Variants in MITF observed in about 807,000 individuals in gnomAD.
The protein encoded by MITF is microphthalmia-associated transcription factor.
In MITF, 17 loss-of-function variants were observed where a neutral mutation model predicts 60.5. That is an observed-to-expected ratio of 0.28 (90% CI 0.19 to 0.42). The LOEUF (loss-of-function observed/expected upper bound fraction) is 0.42. Among genes scored for constraint, MITF ranks in the 10% least tolerant of loss-of-function variants. The pLI, the probability that MITF is intolerant of heterozygous loss-of-function variation, is 1.00. For missense variants in MITF, 622 were observed against 683.5 expected (o/e 0.91, Z 1.00); for synonymous variants, 260 against 248.5 (o/e 1.05, Z -0.43).
chr3:69,947,933 G>A (rs1193378224), intron 5 of MITF, among the ~76,000 whole-genome samples: 1 of 152,148 alleles, frequency 6.6e-6, no homozygotes, highest in Non-Finnish European at 1.5e-5. Flanking sequence ...GGTCATTGGA[G>A]AGGATGCAAG....
At chr3:69,939,072 G>A in intron 3 of MITF, 26 bp from the exon 4 acceptor site, 2 of 1,612,424 alleles carry the variant, frequency 1.2e-6, no homozygotes, top group Non-Finnish European at 8.5e-7. Flanking sequence ...CCAAGTTATA[G>A]ACTGTTTTTG....
intron 1 of MITF, among the ~76,000 whole-genome samples, chr3:69,768,163 C>G (rs1391342326): frequency 6.6e-6 from 1 of 152,204 alleles, no homozygotes; most frequent in East Asian, 1.9e-4. Context: ...GAGCAAAATT[C>G]TTAGGGTCCA....
intron 1 of MITF, among the ~76,000 whole-genome samples, chr3:69,844,033 G>A (rs1179054078): frequency 6.6e-6 from 1 of 152,102 alleles, no homozygotes; most frequent in Non-Finnish European, 1.5e-5. Flanking sequence ...TGAGAATTAT[G>A]GTTTCCAGCT....
chr3:69,961,381 C>CA (rs1272534281), intron 9 of MITF, among the ~76,000 whole-genome samples: 356 of 139,934 alleles, frequency 2.5e-3, no homozygotes, highest in African/African-American at 6.0e-3. Flanking sequence ...GACTCCATCT[C>CA]AAAAAAAAAC....
At chr3:69,852,341 A>G (rs2063838835) in intron 1 of MITF, among the ~76,000 whole-genome samples, 1 of 152,210 alleles carries the variant, frequency 6.6e-6, no homozygotes, top group African/African-American at 2.4e-5. Context: ...CCCCTCTTCT[A>G]AGTATAATCA....
intron 1 of MITF, among the ~76,000 whole-genome samples, chr3:69,815,925 C>G (rs150514472): frequency 6.6e-6 from 1 of 152,088 alleles, no homozygotes; most frequent in Non-Finnish European, 1.5e-5. Flanking sequence ...GATCTAAAGT[C>G]GTCTTATTGT....
At chr3:69,808,671 A>G (rs994807919) in intron 1 of MITF, among the ~76,000 whole-genome samples, 1 of 152,086 alleles carries the variant, frequency 6.6e-6, no homozygotes, top group Non-Finnish European at 1.5e-5. Flanking sequence ...ACTCATGGAC[A>G]TCAGAGCAGA....
chr3:69,930,559 A>G (rs1289413870), intron 2 of MITF, among the ~76,000 whole-genome samples: 1 of 152,202 alleles, frequency 6.6e-6, no homozygotes, highest in African/African-American at 2.4e-5. Context: ...GCCCTTACCT[A>G]AACACACTGT....
At chr3:69,845,246 G>A (rs546356316) in intron 1 of MITF, among the ~76,000 whole-genome samples, 1 of 151,790 alleles carries the variant, frequency 6.6e-6, no homozygotes, top group African/African-American at 2.4e-5. Flanking sequence ...AGAAGCAAGA[G>A]GTATTAAATA....
Position 69,967,349 on chromosome 3 carries a change from G to A in MITF, c.*2101G>A. ...TGCATGAACAGCTAATTGTACCATA[G>A]TGTTCATTGATACAATCATAGCATT... On this transcript the variant is annotated 3_prime_UTR_variant, in exon 10 of 10. Coordinates refer to ENST00000352241, the MANE Select transcript of MITF (RefSeq NM_001354604.2). The A allele has an allele frequency of 1.7e-5, 4 of 232,890 alleles. No individual in the cohort carries two copies. Among genetic ancestry groups the A allele is most frequent in the Non-Finnish European group, 2.6e-5 (3 of 117,556 alleles). The allele number at this position is 232,890 out of a possible 1,614,324, so 14.4% of individuals were successfully genotyped here. A position where few individuals can be genotyped will look rare whatever the true frequency, so the allele number is the denominator to read the frequency against.
chr3:69,900,489 C>T (rs955192733), intron 2 of MITF, among the ~76,000 whole-genome samples: 10 of 152,136 alleles, frequency 6.6e-5, no homozygotes, highest in African/African-American at 9.7e-5. Context: ...ACACCTCCCA[C>T]GTCTTTGTTC....
intron 1 of MITF, among the ~76,000 whole-genome samples, chr3:69,795,417 G>C (rs890407754): frequency 3.9e-5 from 6 of 152,136 alleles, no homozygotes; most frequent in Non-Finnish European, 5.9e-5. Flanking sequence ...ACAATGAACT[G>C]TCTTACATTA....
chr3:69,853,178 T>C (rs2063855054), intron 1 of MITF, among the ~76,000 whole-genome samples: 2 of 152,080 alleles, frequency 1.3e-5, no homozygotes, highest in Admixed American at 1.3e-4. Flanking sequence ...CAGAACAACC[T>C]AGTAGTCCAG....
Position 69,739,491 on chromosome 3 carries a change from C to T in MITF, c.-107C>T. ...GAGCCGGCGAGCGGGCAGAGCTCGGCACTGCGCCGGGGCGCACGGCTCGGG... is the reference window on the plus strand; with the variant it reads ...GAGCCGGCGAGCGGGCAGAGCTCGGTACTGCGCCGGGGCGCACGGCTCGGG... On this transcript the variant is annotated 5_prime_UTR_variant, in exon 1 of 10. Transcript: ENST00000352241. 9.6e-7 allele frequency: 1 copy of T among 1,042,024 alleles called. No homozygotes were observed. Among genetic ancestry groups the T allele is most frequent in the Non-Finnish European group, 1.4e-6 (1 of 690,598 alleles). The allele number at this position is 1,042,024 out of a possible 1,614,324, so 64.5% of individuals were successfully genotyped here. A position where few individuals can be genotyped will look rare whatever the true frequency, so the allele number is the denominator to read the frequency against.
At chr3:69,755,206 A>T (rs1302515844) in intron 1 of MITF, among the ~76,000 whole-genome samples, 1 of 152,204 alleles carries the variant, frequency 6.6e-6, no homozygotes. Flanking sequence ...AAATAATGAG[A>T]TACACTAATT....
chr3:69,953,647 G>GTGTA (rs2066317221), intron 7 of MITF, among the ~76,000 whole-genome samples: 2 of 140,716 alleles, frequency 1.4e-5, no homozygotes, highest in Non-Finnish European at 3.1e-5. Context: ...ATATATGTAT[G>GTGTA]TATATATATA....
intron 1 of MITF, among the ~76,000 whole-genome samples, chr3:69,815,174 G>A (rs9854710): frequency 0.34 from 51,363 of 152,066 alleles, 9,742 homozygotes; most frequent in Non-Finnish European, 0.43. Context: ...AATATTCCAA[G>A]GGTTCAGAGG....
At chr3:69,888,797 A>G (rs1298294543) in intron 2 of MITF, among the ~76,000 whole-genome samples, 1 of 151,898 alleles carries the variant, frequency 6.6e-6, no homozygotes, top group African/African-American at 2.4e-5. Flanking sequence ...TGGCCCCCCT[A>G]TTAACTTTGT....
At chr3:69,767,661 G>A (rs1469739047) in intron 1 of MITF, among the ~76,000 whole-genome samples, 1 of 152,116 alleles carries the variant, frequency 6.6e-6, no homozygotes, top group Non-Finnish European at 1.5e-5. Flanking sequence ...AGCATTCCAG[G>A]TAGACCGAGG....
Sources: gnomAD v4.1 joint callset for allele counts (sites outside exome capture counted in the v4.1 genomes callset) on GRCh38, gnomAD v4.1.1 for gene constraint, MANE v1.5 for transcripts, NCBI Gene and HGNC (gene_info 2026-07-23, HGNC 2026-07-21) for gene names.